NGFR: variants seen among roughly 807,000 people sequenced by gnomAD.
NGFR encodes the protein tumor necrosis factor receptor superfamily member 16.
A neutral mutation model predicts 43.2 loss-of-function variants in NGFR; 30 were observed. That is an observed-to-expected ratio of 0.69 (90% CI 0.52 to 0.94). The LOEUF (loss-of-function observed/expected upper bound fraction) is 0.94. NGFR is among the 40% of genes least tolerant of loss of function. The pLI, the probability that NGFR is intolerant of heterozygous loss-of-function variation, is 0.00. For synonymous variants in NGFR, 246 were observed against 259.6 expected (o/e 0.95, Z 0.50); for missense variants, 529 against 602.5 (o/e 0.88, Z 1.28).
At chr17:49,498,227 A>G (rs1162030046) in intron 1 of NGFR, among the ~76,000 whole-genome samples, 1 of 152,120 alleles carries the variant, frequency 6.6e-6, no homozygotes, top group Non-Finnish European at 1.5e-5. Context: ...TCATGGAAGG[A>G]GTCGTGGCTC....
At chr17:49,511,038 C>T (rs2071229017) in intron 4 of NGFR, 2 of 183,448 alleles carry the variant, frequency 1.1e-5, no homozygotes, top group African/African-American at 4.7e-5. Flanking sequence ...TGCTGTGGCA[C>T]CCACATCCAG....
intron 2 of NGFR, among the ~76,000 whole-genome samples, chr17:49,504,775 T>TC (rs1567739099): frequency 6.2e-4 from 87 of 140,282 alleles, no homozygotes; most frequent in Middle Eastern, 3.6e-3. Flanking sequence ...CTTTCTTTTT[T>TC]TTTTTTTTTT....
At chr17:49,501,999 A>AGGGGCCCCCCC in intron 1 of NGFR, 64 bp from the exon 2 acceptor site, 1 of 330,982 alleles carries the variant, frequency 3.0e-6, no homozygotes, top group Non-Finnish European at 5.9e-6. Context: ...TCCCCGGAAG[A>AGGGGCCCCCCC]ACCCCCCCCA....
intron 1 of NGFR, among the ~76,000 whole-genome samples, chr17:49,499,690 C>T (rs1023215346): frequency 5.6e-4 from 86 of 152,244 alleles, no homozygotes; most frequent in African/African-American, 1.9e-3. Context: ...TGGGTTCAAG[C>T]GATTCTCCTG....
intron 3 of NGFR, among the ~76,000 whole-genome samples, chr17:49,509,200 T>A (rs2071216802): frequency 6.6e-6 from 1 of 150,942 alleles, no homozygotes; most frequent in South Asian, 2.1e-4. Context: ...CAGAAGGTGC[T>A]GAAAACGGGC....
intron 1 of NGFR, among the ~76,000 whole-genome samples, chr17:49,500,333 A>G (rs1393981091): frequency 6.6e-6 from 1 of 152,186 alleles, no homozygotes; most frequent in African/African-American, 2.4e-5. Context: ...TTGAGGTCAT[A>G]CAGTATTTTC....
At chr17:49,511,725 G>C (rs1364330964) in intron 4 of NGFR, among the ~76,000 whole-genome samples, 167 bp from the exon 5 acceptor site, 8 of 152,162 alleles carry the variant, frequency 5.3e-5, no homozygotes, top group African/African-American at 1.9e-4. Context: ...GAGCTTTCAG[G>C]GTAGGTGGGG....
At chr17:49,498,900 C>T (rs1284488785) in intron 1 of NGFR, among the ~76,000 whole-genome samples, 1 of 152,180 alleles carries the variant, frequency 6.6e-6, no homozygotes, top group East Asian at 1.9e-4. Context: ...CCTGGGGTCT[C>T]CTTAAGATGA....
chr17:49,501,772 A>G (rs967365708), intron 1 of NGFR, among the ~76,000 whole-genome samples: 4 of 152,212 alleles, frequency 2.6e-5, no homozygotes, highest in Non-Finnish European at 2.9e-5. Context: ...CCCATGTGGT[A>G]TATCCTTGGG....
chr17:49,503,774 C>G (rs146263073), intron 2 of NGFR, among the ~76,000 whole-genome samples: 1 of 152,160 alleles, frequency 6.6e-6, no homozygotes, highest in Non-Finnish European at 1.5e-5. Flanking sequence ...CATTCCAGGG[C>G]GGGGGTGGCC....
Position 49,508,760 on chromosome 17 carries a change from C to T in NGFR, c.569-1652C>T, listed in dbSNP as rs545007641. On this transcript the variant is annotated intron_variant, in intron 3 of 5. Coordinates refer to ENST00000172229, the MANE Select transcript of NGFR (RefSeq NM_002507.4). ...CATCTGGATCTCATCCCCCCGCCCC[C>T]GTCAGAGGGGATTGGAGAGATGAGG... Among the ~76,000 whole-genome samples the T allele has an allele frequency of 8.9e-4, 135 of 152,304 alleles. 1 individual carries two copies. Among genetic ancestry groups the T allele is most frequent in the East Asian group, 7.9e-3 (41 of 5,182 alleles).
At chr17:49,497,659 A>G (rs1235750172) in intron 1 of NGFR, 1 of 152,198 alleles carries the variant, frequency 6.6e-6, no homozygotes, top group East Asian at 1.9e-4. Flanking sequence ...GGTGAGAGAG[A>G]GAGGGCTGAA....
Position 49,495,548 on chromosome 17 carries a change from G to T in NGFR, c.66+65G>T. On this transcript the variant is annotated intron_variant, in intron 1 of 5. Transcript: ENST00000172229. This position sits in a 1 kb window ranked among gnomAD's most constrained non-coding sequence, Gnocchi z 6.4. ...ATCAGAACTCCGAGAAGAGCCGGGC[G>T]CCGCCACCAAGGAAACAGAACAGAG... 1.1e-5 allele frequency: 13 copies of T among 1,186,796 alleles called. No homozygotes were observed. Among genetic ancestry groups the T allele is most frequent in the Admixed American group, 4.2e-5 (1 of 23,664 alleles). The allele number at this position is 1,186,796 out of a possible 1,614,324, so 73.5% of individuals were successfully genotyped here. A position where few individuals can be genotyped will look rare whatever the true frequency, so the allele number is the denominator to read the frequency against.
chr17:49,507,804 T>G lies in NGFR; in HGVS notation c.568+1146T>G, dbSNP rs964259120. Among the ~76,000 whole-genome samples the G allele has an allele frequency of 2.0e-5, 3 of 152,208 alleles. No homozygotes were observed. The East Asian group carries it at 5.8e-4, about 29-fold the overall frequency. ...TGAGCCCCCAGTTTGATGGGAGAGA[T>G]AGCCTTCGCCCAGTCTAATGAGAGA... On this transcript the variant is annotated intron_variant, in intron 3 of 5. Coordinates refer to ENST00000172229, the MANE Select transcript of NGFR (RefSeq NM_002507.4).
chr17:49,510,686 A>G (rs1033843981), intron 4 of NGFR, 22 bp downstream of exon 4: 2 of 1,607,246 alleles, frequency 1.2e-6, no homozygotes, highest in Non-Finnish European at 8.5e-7. Flanking sequence ...CACGGTGGCG[A>G]CAGAGAGGGG....
At chr17:49,500,345 T>C (rs1195792038) in intron 1 of NGFR, among the ~76,000 whole-genome samples, 2 of 152,216 alleles carry the variant, frequency 1.3e-5, no homozygotes, top group Non-Finnish European at 2.9e-5. Flanking sequence ...AGTATTTTCA[T>C]GTATTTCAAC....
In NGFR at chr17:49,511,960, A is replaced by G. The variant is rs1248208089; in HGVS notation, c.890A>G (p.Glu297Gly). The G allele has an allele frequency of 1.9e-6, 3 of 1,613,546 alleles. No homozygotes were observed. In the Admixed American group the frequency reaches 5.0e-5, roughly 27 times the overall value. Residue 297 changes from glutamate (E) to glycine (G), a missense_variant, in exon 5 of 6, where the codon GAG (glutamate) becomes GGG (glycine). By Grantham distance (98) the Glu-to-Gly change is moderately conservative. Transcript: ENST00000172229. ...SRPVNQTPPP[E>G]GEKLHSDSGI... Reference sequence around the variant, plus strand: ...CCAGTGAACCAGACGCCCCCACCAGAGGGAGAAAAACTCCACAGCGACAGT... The same window carrying G: ...CCAGTGAACCAGACGCCCCCACCAGGGGGAGAAAAACTCCACAGCGACAGT...
intron 1 of NGFR, 63 bp from the exon 2 acceptor site, chr17:49,502,000 A>ACCCGCC: frequency 3.8e-6 from 1 of 264,886 alleles, no homozygotes; most frequent in East Asian, 8.6e-5. Context: ...CCCCGGAAGA[A>ACCCGCC]CCCCCCCCAA....
At chr17:49,501,108 C>T (rs569766064) in intron 1 of NGFR, among the ~76,000 whole-genome samples, 29 of 152,306 alleles carry the variant, frequency 1.9e-4, no homozygotes, top group Non-Finnish European at 3.7e-4. Context: ...AAGCAAGCCT[C>T]CACCAGCCCC....
Sources: gnomAD v4.1 joint callset for allele counts (sites outside exome capture counted in the v4.1 genomes callset) on GRCh38, gnomAD v4.1.1 for gene constraint, Gnocchi (gnomAD v3.1) non-coding constraint, MANE v1.5 for transcripts, NCBI Gene and HGNC (gene_info 2026-07-23, HGNC 2026-07-21) for gene names.